Variants in DNM1L observed in about 807,000 individuals in gnomAD.
The protein encoded by DNM1L is dynamin-1-like protein.
A neutral mutation model predicts 92.8 loss-of-function variants in DNM1L; 33 were observed. The observed-to-expected ratio is 0.36, with a 90% CI of 0.27 to 0.48. The LOEUF (loss-of-function observed/expected upper bound fraction) is 0.48. Among genes scored for constraint, DNM1L ranks in the 20% least tolerant of loss-of-function variants. The pLI is 0.99. For synonymous variants in DNM1L, 284 were observed against 305.0 expected, an observed-to-expected ratio of 0.93 and a Z score of 0.72; for missense variants, 485 against 888.8, an observed-to-expected ratio of 0.55 and a Z score of 5.78.
intron 14 of DNM1L, chr12:32,737,502 AAAC>A (rs1954974436): frequency 2.6e-6 from 1 of 379,610 alleles, no homozygotes; most frequent in Non-Finnish European, 4.8e-6. Context: ...TTCTTGGAAA[AAAC>A]AGTATGCACA....
rs760692469 is a variant in DNM1L at position 32,679,905 on chromosome 12, G to A, written c.102+440G>A. On this transcript the variant is annotated intron_variant, in intron 1 of 19. Coordinates refer to ENST00000549701, the MANE Select transcript of DNM1L (RefSeq NM_012062.5). ...CATCACTGTTGGCTTTCGTGAGACG[G>A]GTGTTTTATTTCCCTCCTTGCCTTG... is the stretch of plus-strand genomic sequence containing the variant. 289 of 987,184 alleles carry A rather than the reference G, an allele frequency of 2.9e-4. 1 individual carries two copies. The highest frequency in any genetic ancestry group is 3.4e-4 in the Non-Finnish European group (282 of 831,254). The allele number at this position is 987,184 out of a possible 1,614,324, so 61.2% of individuals were successfully genotyped here. A position where few individuals can be genotyped will look rare whatever the true frequency, so the allele number is the denominator to read the frequency against.
At chr12:32,697,614 G>A (rs1471215942) in intron 1 of DNM1L, among the ~76,000 whole-genome samples, 1 of 152,132 alleles carries the variant, frequency 6.6e-6, no homozygotes, top group Non-Finnish European at 1.5e-5. Flanking sequence ...CTCTTGGTGT[G>A]GAAGAAAGAA....
intron 15 of DNM1L, 106 bp downstream of exon 15, chr12:32,738,048 GC>G: frequency 7.8e-7 from 1 of 1,282,778 alleles, no homozygotes; most frequent in Non-Finnish European, 1.1e-6. Context: ...GGGATACTGT[GC>G]TAAGGTCAGA....
chr12:32,737,555 G>A (rs1358916441), intron 14 of DNM1L: 1 of 403,422 alleles, frequency 2.5e-6, no homozygotes. Context: ...TAAAATAGTT[G>A]TAATACTAAA....
chr12:32,733,918 G>A lies in DNM1L; in HGVS notation c.1539+111G>A, dbSNP rs986014605. 1.1e-5 allele frequency: 10 copies of A among 924,380 alleles called. No individual in the cohort carries two copies. In the Admixed American group the frequency reaches 1.5e-4, roughly 14 times the overall value. The allele number at this position is 924,380 out of a possible 1,614,324, so 57.3% of individuals were successfully genotyped here. On this transcript the variant is annotated intron_variant, in intron 13 of 19. Coordinates refer to ENST00000549701, the MANE Select transcript of DNM1L (RefSeq NM_012062.5). ...TATAAAATAGACATGTGCCACATTA[G>A]TGCCTGCTGCATGTCAGGAAATATG...
Position 32,718,657 on chromosome 12 carries a change from G to C in DNM1L, c.634G>C (p.Ala212Pro). ...EVDPDGRRTL[A>P]VITKLDLMDA... ...GCATTTACCAGGTCGCAGAACCCTA[G>C]CTGTAATCACTAAACTTGATCTCAT... is the stretch of plus-strand genomic sequence containing the variant. Residue 212 changes from alanine (A) to proline (P), a missense_variant, in exon 7 of 20, where the codon GCT becomes CCT. This residue lies in a region of DNM1L where 159 missense variants were observed against 275.9 expected (regional missense o/e 0.58). Coordinates refer to ENST00000549701, the MANE Select transcript of DNM1L (RefSeq NM_012062.5). 6.2e-7 allele frequency: 1 copy of C among 1,613,790 alleles called. No homozygotes were observed. Among genetic ancestry groups the C allele is most frequent in the Non-Finnish European group, 8.5e-7 (1 of 1,179,860 alleles).
chr12:32,679,707 C>CCTGGCTAGCCCGGCGGGT (rs1230735542), intron 1 of DNM1L: 12 of 1,207,596 alleles, frequency 9.9e-6, no homozygotes, highest in Non-Finnish European at 3.1e-6. Flanking sequence ...GCGCGGCGGG[C>CCTGGCTAGCCCGGCGGGT]CTGGCTAGCC....
At position 32,679,321 on chromosome 12, in the gene DNM1L, T is replaced by C. The variant is rs1272104907; in HGVS notation, c.-43T>C. The C allele has an allele frequency of 7.2e-7, 1 of 1,388,960 alleles. No individual in the cohort carries two copies. Among genetic ancestry groups the C allele is most frequent in the Admixed American group, 1.7e-5 (1 of 57,890 alleles). The allele number at this position is 1,388,960 out of a possible 1,614,324, so 86.0% of individuals were successfully genotyped here. A position where few individuals can be genotyped will look rare whatever the true frequency, so the allele number is the denominator to read the frequency against. ...GAACTGTGGGCCCCGGCCCCATTCA[T>C]TGCCGTGGCCGGCGGGCACTGGGGC... On this transcript the variant is annotated 5_prime_UTR_variant, in exon 1 of 20. Transcript: ENST00000549701.
intron 1 of DNM1L, among the ~76,000 whole-genome samples, chr12:32,684,202 C>A (rs966550948): frequency 6.6e-6 from 1 of 152,172 alleles, no homozygotes; most frequent in African/African-American, 2.4e-5. Flanking sequence ...TTGTCCTCCC[C>A]CAGCTTCTGA....
At chr12:32,737,283 T>C in intron 14 of DNM1L, 122 bp downstream of exon 14, 1 of 963,362 alleles carries the variant, frequency 1.0e-6, no homozygotes, top group Admixed American at 2.1e-5. Context: ...CCATTGGAAC[T>C]AACTGAGTAA....
chr12:32,729,497 C>T (rs1046875051), intron 9 of DNM1L, among the ~76,000 whole-genome samples: 4 of 152,084 alleles, frequency 2.6e-5, no homozygotes, highest in Admixed American at 6.5e-5. Flanking sequence ...ACTTTATTGC[C>T]GAGGCTGGAA....
chr12:32,707,148 G>A (rs1952959135), intron 2 of DNM1L: 1 of 450,782 alleles, frequency 2.2e-6, no homozygotes, highest in Non-Finnish European at 3.9e-6. Flanking sequence ...AGTTGGTCAT[G>A]TTTTTGAAAT....
intron 13 of DNM1L, 136 bp from the exon 14 acceptor site, chr12:32,736,969 A>G: frequency 1.3e-6 from 1 of 785,020 alleles, no homozygotes; most frequent in East Asian, 2.7e-5. Flanking sequence ...AAAATATGAT[A>G]ATTATGGCAT....
intron 3 of DNM1L, among the ~76,000 whole-genome samples, chr12:32,707,756 C>T (rs1204122536): frequency 2.0e-5 from 3 of 152,016 alleles, no homozygotes; most frequent in Admixed American, 2.0e-4. Flanking sequence ...TCGAGTCCAG[C>T]CTAGGCAATA....
Position 32,717,911 on chromosome 12 carries a change from A to AT in DNM1L, c.620-731dup, listed in dbSNP as rs1337501418. On this transcript the variant is annotated intron_variant, in intron 6 of 19. Transcript: ENST00000549701. ...TATATATACTATATATAGTATATAT[A>AT]TAAAATATAGTATATATTTTATATA... Among the ~76,000 whole-genome samples the AT allele has an allele frequency of 5.0e-3, 408 of 81,536 alleles. 16 individuals carry two copies. Among genetic ancestry groups the AT allele is most frequent in the African/African-American group, 0.021 (384 of 18,480 alleles). The allele number at this position is 81,536 out of a possible 152,430, so 53.5% of individuals were successfully genotyped here.
chr12:32,739,511 T>A (rs1045636909), intron 16 of DNM1L, among the ~76,000 whole-genome samples: 13 of 152,362 alleles, frequency 8.5e-5, no homozygotes, highest in African/African-American at 3.1e-4. Flanking sequence ...AGCCTAAGAA[T>A]AGCAAATGTA....
chr12:32,707,321 A>C (rs1952963490), intron 2 of DNM1L, 46 bp from the exon 3 acceptor site: 6 of 1,483,676 alleles, frequency 4.0e-6, no homozygotes, highest in Non-Finnish European at 5.6e-6. Context: ...TAAAGATAAA[A>C]AGTAGTTTCC....
rs1027208356 is a variant in DNM1L, at chr12:32,743,624, T to C, written c.*214T>C. Reference sequence around the variant, plus strand: ...TGGCTGTTTCTAAAGTTTCCCAGTATATATAAAATACATCAAGTCTGTCTT... The same window carrying C: ...TGGCTGTTTCTAAAGTTTCCCAGTACATATAAAATACATCAAGTCTGTCTT... On this transcript the variant is annotated 3_prime_UTR_variant, in exon 20 of 20. Transcript: ENST00000549701. The C allele has an allele frequency of 8.9e-6, 5 of 561,346 alleles. No homozygotes were observed. In the Admixed American group the frequency reaches 9.2e-5, roughly 10 times the overall value. The allele number at this position is 561,346 out of a possible 1,614,324, so 34.8% of individuals were successfully genotyped here.
At chr12:32,742,221 C>T (rs144343079) in intron 18 of DNM1L, among the ~76,000 whole-genome samples, 256 of 152,124 alleles carry the variant, frequency 1.7e-3, no homozygotes, top group African/African-American at 5.6e-3. Context: ...TCTCGTATCT[C>T]AGCCTCCCGA....
Sources: allele counts gnomAD v4.1 joint callset (sites outside exome capture counted in the v4.1 genomes callset), GRCh38; gene constraint gnomAD v4.1.1; regional missense constraint gnomAD v4.1.1; transcripts MANE v1.5; gene names NCBI Gene and HGNC (gene_info 2026-07-23, HGNC 2026-07-21).